NCOA1: variants seen among roughly 807,000 people sequenced by gnomAD.
NCOA1 encodes the protein nuclear receptor coactivator 1, also known as Hin-2 protein.
NCOA1 carries 35 observed loss-of-function variants against 150.9 expected under a neutral mutation model. The ratio of observed to expected loss-of-function variants is 0.23; its 90% CI spans 0.18 to 0.31. NCOA1 has a LOEUF of 0.31. Ranked by LOEUF, NCOA1 falls within the 10% of genes least tolerant of loss-of-function variation. The pLI is 1.00. For missense variants in NCOA1, 1,491 were observed against 1,749.3 expected, an observed-to-expected ratio of 0.85 and a Z score of 2.63; for synonymous variants, 590 against 630.0, an observed-to-expected ratio of 0.94 and a Z score of 0.95.
intron 2 of NCOA1, among the ~76,000 whole-genome samples, chr2:24,564,936 TCAGAGA>T (rs1666437319): frequency 1.3e-5 from 2 of 152,198 alleles, no homozygotes; most frequent in South Asian, 4.2e-4. Flanking sequence ...CTGCAAGATG[TCAGAGA>T]CCTTACTGAT....
chr2:24,517,004 G>GTATATATA (rs1425804870), intron 1 of NCOA1, among the ~76,000 whole-genome samples: 19 of 83,932 alleles, frequency 2.3e-4, no homozygotes, highest in Admixed American at 7.5e-4. Flanking sequence ...ACACACGCGC[G>GTATATATA]CACACACACA....
At chr2:24,521,054 C>T (rs1031556757) in intron 1 of NCOA1, among the ~76,000 whole-genome samples, 2 of 151,954 alleles carry the variant, frequency 1.3e-5, no homozygotes, top group Non-Finnish European at 2.9e-5. Flanking sequence ...TCCTTCAGGT[C>T]TTTGCTCACA....
chr2:24,726,975 A>G (rs1337674077), intron 15 of NCOA1, among the ~76,000 whole-genome samples: 1 of 151,808 alleles, frequency 6.6e-6, no homozygotes, highest in African/African-American at 2.4e-5. Context: ...CATCTCTACT[A>G]AAAATACAAA....
intron 1 of NCOA1, among the ~76,000 whole-genome samples, chr2:24,530,222 T>A (rs1284902361): frequency 6.6e-6 from 1 of 152,212 alleles, no homozygotes; most frequent in Admixed American, 6.5e-5. Flanking sequence ...CAAAAAATGA[T>A]CACTCTGTTC....
chr2:24,572,041 T>C (rs1666764017), intron 2 of NCOA1, among the ~76,000 whole-genome samples: 1 of 152,182 alleles, frequency 6.6e-6, no homozygotes, highest in Admixed American at 6.5e-5. Context: ...TTACATAGAT[T>C]ACATGAGATA....
rs979559677 is a variant in NCOA1 at position 24,523,605 on chromosome 2, CAAAAAAAAAA to C, written c.-396+32019_-396+32028del. 2.9e-3 allele frequency among the ~76,000 whole-genome samples: 51 copies of C among 17,706 alleles called. 2 individuals are homozygous for C. The highest frequency in any genetic ancestry group is 6.0e-3 in the South Asian group (1 of 166). 11.6% of individuals were successfully genotyped at this position (17,706 alleles called of 152,430 possible). A position where few individuals can be genotyped will look rare whatever the true frequency, so the allele number is the denominator to read the frequency against. On this transcript the variant is annotated intron_variant, in intron 1 of 22. Coordinates refer to ENST00000348332, the MANE Select transcript of NCOA1 (RefSeq NM_003743.5). ...TGGGAGACAGAGTGAGACTCCGTCTCAAAAAAAAAAAAAAAAAAAAAAAAAGAAACTGGGC... is the reference window on the plus strand; with the variant it reads ...TGGGAGACAGAGTGAGACTCCGTCTCAAAAAAAAAAAAAAAGAAACTGGGC...
At chr2:24,716,212 A>G (rs1420810321) in intron 14 of NCOA1, among the ~76,000 whole-genome samples, 1 of 151,370 alleles carries the variant, frequency 6.6e-6, no homozygotes, top group Non-Finnish European at 1.5e-5. Context: ...TCTAAAGTGT[A>G]TATGAGAATG....
At position 24,706,443 on chromosome 2, in the gene NCOA1, A is replaced by G. The variant is rs947346410; in HGVS notation, c.1098-125A>G. The G allele has an allele frequency of 6.8e-5, 75 of 1,107,624 alleles. No homozygotes were observed. The Admixed American group carries it at 2.2e-3, about 33-fold the overall frequency. The allele number at this position is 1,107,624 out of a possible 1,614,324, so 68.6% of individuals were successfully genotyped here. A position where few individuals can be genotyped will look rare whatever the true frequency, so the allele number is the denominator to read the frequency against. On this transcript the variant is annotated intron_variant, in intron 12 of 22. Transcript: ENST00000348332. ...TTTTCTTAATTTAAGATGGTACAGA[A>G]GCTCTTTACTTGATAGCTTGCAATA...
intron 14 of NCOA1, among the ~76,000 whole-genome samples, chr2:24,719,512 T>G (rs1674250540): frequency 1.3e-5 from 2 of 152,260 alleles, no homozygotes; most frequent in African/African-American, 4.8e-5. Flanking sequence ...AGCCAATAAC[T>G]ATCACATTTC....
intron 3 of NCOA1, among the ~76,000 whole-genome samples, chr2:24,642,921 A>G (rs898961984): frequency 2.0e-5 from 3 of 152,206 alleles, no homozygotes; most frequent in African/African-American, 7.2e-5. Context: ...AGTGACAAAA[A>G]TTATAGAAAT....
chr2:24,768,009 G>T, intron 22 of NCOA1: 2 of 1,520,424 alleles, frequency 1.3e-6, no homozygotes, highest in South Asian at 2.3e-5. Flanking sequence ...TTCCAATTTT[G>T]ATTTTATTTT....
intron 2 of NCOA1, among the ~76,000 whole-genome samples, chr2:24,582,618 A>G (rs752034979): frequency 1.3e-5 from 2 of 152,208 alleles, no homozygotes; most frequent in Non-Finnish European, 2.9e-5. Flanking sequence ...TAAAATTTGT[A>G]TGAAACCACA....
chr2:24,614,161 A>G (rs985423294), intron 3 of NCOA1, among the ~76,000 whole-genome samples: 1 of 81,810 alleles, frequency 1.2e-5, no homozygotes, highest in Non-Finnish European at 2.4e-5. Flanking sequence ...AAGCTTTATT[A>G]CTTGCTTTTC....
chr2:24,766,111 G>A (rs1665052597), intron 22 of NCOA1, among the ~76,000 whole-genome samples: 1 of 151,858 alleles, frequency 6.6e-6, no homozygotes, highest in African/African-American at 2.4e-5. Flanking sequence ...TGTTGCCCAG[G>A]CTGGTCTCAA....
intron 20 of NCOA1, among the ~76,000 whole-genome samples, chr2:24,756,825 C>A (rs2148688807): frequency 6.6e-6 from 1 of 152,246 alleles, no homozygotes. Context: ...TACTATTCTA[C>A]TTCCTAATAG....
intron 1 of NCOA1, among the ~76,000 whole-genome samples, chr2:24,499,227 A>G (rs1458366149): frequency 6.6e-6 from 1 of 152,186 alleles, no homozygotes; most frequent in Non-Finnish European, 1.5e-5. Context: ...TATTCCAAAA[A>G]TAGATACATC....
chr2:24,610,186 G>A (rs986414972), intron 3 of NCOA1, among the ~76,000 whole-genome samples: 2 of 145,590 alleles, frequency 1.4e-5, no homozygotes, highest in Admixed American at 7.0e-5. Flanking sequence ...GTGCAGTGGC[G>A]TGATCTCTGC....
chr2:24,635,162 T>C (rs1196522739), intron 3 of NCOA1, among the ~76,000 whole-genome samples: 2 of 152,132 alleles, frequency 1.3e-5, no homozygotes, highest in Non-Finnish European at 2.9e-5. Context: ...GCATCATTCT[T>C]CCCCCCATTC....
intron 20 of NCOA1, among the ~76,000 whole-genome samples, chr2:24,753,844 A>G (rs886720882): frequency 2.6e-5 from 4 of 152,162 alleles, no homozygotes; most frequent in African/African-American, 9.7e-5. Flanking sequence ...TTAAACCTCC[A>G]GTGCAGATGG....
Sources: allele counts gnomAD v4.1 joint callset (sites outside exome capture counted in the v4.1 genomes callset), GRCh38; gene constraint gnomAD v4.1.1; transcripts MANE v1.5; gene names NCBI Gene and HGNC (gene_info 2026-07-23, HGNC 2026-07-21).